The following VAV3 variants were observed in gnomAD, a reference collection of about 807,000 sequenced individuals.
The protein encoded by VAV3 is vav guanine nucleotide exchange factor 3.
Under a neutral mutation model 131.2 loss-of-function variants are expected in VAV3, and 94 were observed. The observed-to-expected ratio is 0.72, with a 90% CI of 0.61 to 0.85. The LOEUF is 0.85. VAV3 is among the 40% of genes least tolerant of loss of function. The pLI, the probability that VAV3 is intolerant of heterozygous loss-of-function variation, is 0.00. For missense variants in VAV3, 939 were observed against 1,002.7 expected, an observed-to-expected ratio of 0.94 and a Z score of 0.86; for synonymous variants, 349 against 342.0, an observed-to-expected ratio of 1.02 and a Z score of -0.22.
At chr1:107,613,160 CT>C (rs1652886952) in intron 21 of VAV3, among the ~76,000 whole-genome samples, 1 of 152,108 alleles carries the variant, frequency 6.6e-6, no homozygotes, top group South Asian at 2.1e-4. Flanking sequence ...GATAATCTGT[CT>C]TTTCTCTCAG....
intron 25 of VAV3, among the ~76,000 whole-genome samples, chr1:107,581,906 A>T (rs1343407075): frequency 6.6e-6 from 1 of 152,224 alleles, no homozygotes; most frequent in Non-Finnish European, 1.5e-5. Flanking sequence ...GTATTTTTGA[A>T]CTAATAATTA....
chr1:107,893,980 C>T (rs909350087), intron 1 of VAV3, among the ~76,000 whole-genome samples: 1 of 152,132 alleles, frequency 6.6e-6, no homozygotes, highest in African/African-American at 2.4e-5. Flanking sequence ...ATCAACACAT[C>T]GGTTCTGTAA....
At chr1:107,823,588 A>C (rs1484520454) in intron 2 of VAV3, among the ~76,000 whole-genome samples, 1 of 152,218 alleles carries the variant, frequency 6.6e-6, no homozygotes, top group East Asian at 1.9e-4. Flanking sequence ...GCAAAGAGAC[A>C]GAAGAATGGC....
chr1:107,821,214 C>T (rs1381259364), intron 2 of VAV3, among the ~76,000 whole-genome samples: 1 of 152,098 alleles, frequency 6.6e-6, no homozygotes, highest in East Asian at 1.9e-4. Flanking sequence ...TAAGGAAAAA[C>T]ATAAATGTTA....
chr1:107,598,536 C>T (rs906176194), intron 24 of VAV3, among the ~76,000 whole-genome samples: 1 of 152,098 alleles, frequency 6.6e-6, no homozygotes, highest in African/African-American at 2.4e-5. Flanking sequence ...TTCCTTTCTT[C>T]CTTGGGCCCA....
Position 107,765,114 on chromosome 1 carries a change from TG to T in VAV3, c.882del (p.Tyr294Ter). 1 of 1,613,512 alleles carries T rather than the reference TG, an allele frequency of 6.2e-7. No individual in the cohort carries two copies. Among genetic ancestry groups the T allele is most frequent in the Non-Finnish European group, 8.5e-7 (1 of 1,179,574 alleles). Reference protein sequence around the residue: ...GVESAISSLDYISKTKEDVKL... With the variant: ...GVESAISSLDXISKTKEDVKL... ...TTGACATCTTCTTTTGTCTTAGAAATGTAGTCTAAACTAGAGATGGCTGACT... is the reference window on the plus strand; with the variant it reads ...TTGACATCTTCTTTTGTCTTAGAAATTAGTCTAAACTAGAGATGGCTGACT... On this transcript the variant is annotated frameshift_variant, in exon 9 of 27. Coordinates refer to ENST00000370056, the MANE Select transcript of VAV3 (RefSeq NM_006113.5). LOFTEE classifies it high-confidence loss of function.
rs193016174 is a variant in VAV3, at chr1:107,573,936, C to T, written c.2502+111G>A. On this transcript the variant is annotated intron_variant, in intron 26 of 26. Transcript: ENST00000370056. ...TTTCCAGAGGGCAGAGGCCTGTGGG[C>T]TGAAAGCTGTAATACAGTATAGAGG... 1.6e-3 allele frequency: 2,203 copies of T among 1,402,030 alleles called. 5 individuals are homozygous for T. The highest frequency in any genetic ancestry group is 2.0e-3 in the Non-Finnish European group (2,052 of 1,051,268). The allele number at this position is 1,402,030 out of a possible 1,614,324, so 86.8% of individuals were successfully genotyped here. A position where few individuals can be genotyped will look rare whatever the true frequency, so the allele number is the denominator to read the frequency against.
intron 2 of VAV3, among the ~76,000 whole-genome samples, chr1:107,868,359 A>C (rs762219810): frequency 6.6e-6 from 1 of 152,164 alleles, no homozygotes; most frequent in Non-Finnish European, 1.5e-5. Flanking sequence ...CTAGATAATA[A>C]GGCTCTTTCA....
At chr1:107,907,958 A>T (rs1672183372) in intron 1 of VAV3, among the ~76,000 whole-genome samples, 1 of 152,246 alleles carries the variant, frequency 6.6e-6, no homozygotes. Flanking sequence ...ACCAAACAGC[A>T]TATATCTAGC....
chr1:107,954,875 C>T (rs1674732974), intron 1 of VAV3, among the ~76,000 whole-genome samples: 1 of 152,088 alleles, frequency 6.6e-6, no homozygotes, highest in South Asian at 2.1e-4. Flanking sequence ...CTAAGTTTGG[C>T]TCTACCACAA....
rs143379600 is a variant in VAV3, at chr1:107,881,119, T to G, written c.205-6102A>C. 4.1e-3 allele frequency among the ~76,000 whole-genome samples: 628 copies of G among 152,330 alleles called. 5 individuals are homozygous for G. The highest frequency in any genetic ancestry group is 0.014 in the African/African-American group (590 of 41,580). On this transcript the variant is annotated intron_variant, in intron 1 of 26. Transcript: ENST00000370056. The stretch of plus-strand genomic sequence containing the variant: ...GTTATATTAACTCCATTTTTGCAGC[T>G]TATAGAATTAAATGTTTTTCTTCTT...
intron 19 of VAV3, among the ~76,000 whole-genome samples, chr1:107,643,772 A>G (rs1655525817): frequency 6.6e-6 from 1 of 152,176 alleles, no homozygotes; most frequent in Non-Finnish European, 1.5e-5. Flanking sequence ...TTCAGCAAAC[A>G]GTTTATTAAA....
chr1:107,964,755 C>T lies in VAV3; in HGVS notation c.115G>A (p.Asp39Asn). The T allele has an allele frequency of 2.5e-6, 4 of 1,614,110 alleles. No individual in the cohort carries two copies. Among genetic ancestry groups the T allele is most frequent in the Non-Finnish European group, 3.4e-6 (4 of 1,180,004 alleles). The part of the protein sequence containing the change: ...QVFDLAQTLR[D>N]GVLLCQLLNN... ...AGCAGCTGGCAGAGCAGGACTCCAT[C>T]GCGGAGGGTCTGCGCAAGGTCGAAC... Residue 39 changes from aspartate to asparagine, a missense_variant, in exon 1 of 27, where the codon GAT (aspartate) becomes AAT (asparagine). Physicochemically the swap from Asp to Asn is conservative, Grantham distance 23 (BLOSUM62 1). Transcript: ENST00000370056.
At chr1:107,788,070 C>A (rs555527534) in intron 2 of VAV3, among the ~76,000 whole-genome samples, 2 of 152,242 alleles carry the variant, frequency 1.3e-5, no homozygotes, top group South Asian at 4.1e-4. Context: ...GATCCAATCC[C>A]TTCTCTCCTC....
At chr1:107,758,827 T>G (rs1664258896) in intron 10 of VAV3, among the ~76,000 whole-genome samples, 1 of 152,188 alleles carries the variant, frequency 6.6e-6, no homozygotes, top group Non-Finnish European at 1.5e-5. Context: ...CCAGACAACT[T>G]ATATTCTATT....
At chr1:107,892,229 T>C (rs1671344427) in intron 1 of VAV3, among the ~76,000 whole-genome samples, 1 of 152,150 alleles carries the variant, frequency 6.6e-6, no homozygotes, top group South Asian at 2.1e-4. Context: ...TGGGGAAAAT[T>C]ACGTTTTCCT....
At chr1:107,580,962 G>A (rs1473024455) in intron 25 of VAV3, among the ~76,000 whole-genome samples, 2 of 152,048 alleles carry the variant, frequency 1.3e-5, no homozygotes, top group East Asian at 3.9e-4. Context: ...TACACGTCCT[G>A]GAATAGAATT....
At chr1:107,917,212 A>G (rs1332981440) in intron 1 of VAV3, among the ~76,000 whole-genome samples, 1 of 152,128 alleles carries the variant, frequency 6.6e-6, no homozygotes, top group East Asian at 1.9e-4. Context: ...CCTGTACTCA[A>G]GCATCAGCAG....
chr1:107,668,525 T>C (rs1657568053), intron 19 of VAV3, among the ~76,000 whole-genome samples: 1 of 152,190 alleles, frequency 6.6e-6, no homozygotes, highest in Non-Finnish European at 1.5e-5. Context: ...CTAACATTCA[T>C]TCCATGGCTA....
Sources: gnomAD v4.1 joint callset for allele counts (sites outside exome capture counted in the v4.1 genomes callset) on GRCh38, gnomAD v4.1.1 for gene constraint, MANE v1.5 for transcripts, NCBI Gene and HGNC (gene_info 2026-07-23, HGNC 2026-07-21) for gene names.